Variants in BNC2 observed in about 807,000 individuals in gnomAD.
BNC2 encodes the protein zinc finger protein basonuclin-2.
In BNC2, 20 loss-of-function variants were observed where a neutral mutation model predicts 76.3. That is an observed-to-expected ratio of 0.26 (90% confidence interval 0.18 to 0.38). BNC2 has a LOEUF of 0.38. Among genes scored for constraint, BNC2 ranks in the 10% least tolerant of loss-of-function variants. The pLI is 1.00. For synonymous variants in BNC2, 582 were observed against 514.8 expected (o/e 1.13, Z -1.77); for missense variants, 1,382 against 1,399.8 (o/e 0.99, Z 0.20).
At chr9:16,684,223 C>T (rs1367787365) in intron 3 of BNC2, among the ~76,000 whole-genome samples, 2 of 152,162 alleles carry the variant, frequency 1.3e-5, no homozygotes, top group Non-Finnish European at 2.9e-5. Flanking sequence ...AAGAACATCA[C>T]TCGTCCTACC....
chr9:16,829,759 G>A lies in BNC2; in HGVS notation c.3+40887C>T, dbSNP rs1000469102. On this transcript the variant is annotated intron_variant, in intron 1 of 6. Coordinates refer to ENST00000380672, the MANE Select transcript of BNC2 (RefSeq NM_017637.6). ...AAATTCAACTACAAATGCTACTTGGGTTCTACATATAAACAGTGGCAGGGA... is the reference window on the plus strand; with the variant it reads ...AAATTCAACTACAAATGCTACTTGGATTCTACATATAAACAGTGGCAGGGA... 5.9e-5 allele frequency among the ~76,000 whole-genome samples: 9 copies of A among 152,178 alleles called. No homozygotes were observed. In the East Asian group the frequency reaches 1.5e-3, roughly 26 times the overall value.
At position 16,436,068 on chromosome 9, in the gene BNC2, T is replaced by C. The variant is rs1400145004; in HGVS notation, c.2126A>G (p.Asp709Gly). Residue 709 changes from aspartate to glycine, a missense_variant, in exon 6 of 7, where the codon GAC becomes GGC. Coordinates refer to ENST00000380672, the MANE Select transcript of BNC2 (RefSeq NM_017637.6). ...CISRTEIRRA[D>G]SMTSEDQEPE... ...TTCTTGGTCTTCAGAAGTCATGCTG[T>C]CGGCCCTCCTTATTTCAGTCCTTGA... The C allele has an allele frequency of 1.9e-6, 3 of 1,614,072 alleles. No homozygotes were observed. The highest frequency in any genetic ancestry group is 1.7e-6 in the Non-Finnish European group (2 of 1,180,044).
intron 4 of BNC2, among the ~76,000 whole-genome samples, chr9:16,556,368 G>C (rs907713868): frequency 1.3e-5 from 2 of 152,050 alleles, no homozygotes; most frequent in African/African-American, 4.8e-5. Context: ...ACGATGAAAA[G>C]GCGGACTAGA....
rs1821040206 is a variant in BNC2, at chr9:16,437,351, A to G, written c.843T>C (p.Asp281=). ...VAVPSSKTDS[D]IRTFIESNNR... ...TATTGCTCTCAATGAAAGTCCTTAT[A>G]TCTGAGTCTGTCTTTGAAGATGGTA... Residue 281 remains aspartate, a synonymous_variant, in exon 6 of 7, where the codon GAT becomes GAC. Transcript: ENST00000380672. 9.9e-6 allele frequency: 16 copies of G among 1,614,066 alleles called. No homozygotes were observed. The highest frequency in any genetic ancestry group is 1.4e-5 in the Non-Finnish European group (16 of 1,179,924).
intron 3 of BNC2, among the ~76,000 whole-genome samples, chr9:16,623,658 T>G (rs1820920858): frequency 6.6e-6 from 1 of 152,220 alleles, no homozygotes; most frequent in African/African-American, 2.4e-5. Flanking sequence ...TTTTTAAATA[T>G]TCCTAATGCA....
intron 3 of BNC2, among the ~76,000 whole-genome samples, chr9:16,681,394 T>C (rs912400268): frequency 2.0e-5 from 3 of 152,170 alleles, no homozygotes; most frequent in Admixed American, 6.5e-5. Flanking sequence ...TGTGTGTCCC[T>C]GGCAGATGTG....
At chr9:16,760,638 G>C (rs746619127) in intron 1 of BNC2, among the ~76,000 whole-genome samples, 1 of 152,144 alleles carries the variant, frequency 6.6e-6, no homozygotes, top group Non-Finnish European at 1.5e-5. Context: ...ACCTCCACTG[G>C]TTCTAAGGCA....
intron 5 of BNC2, among the ~76,000 whole-genome samples, chr9:16,522,540 C>G (rs1051382292): frequency 6.6e-6 from 1 of 152,148 alleles, no homozygotes; most frequent in African/African-American, 2.4e-5. Context: ...TCACACTTCT[C>G]TTTAGATTTT....
chr9:16,758,511 AGTAGAGACAGG>A (rs1825458912), intron 1 of BNC2, among the ~76,000 whole-genome samples: 1 of 152,064 alleles, frequency 6.6e-6, no homozygotes, highest in African/African-American at 2.4e-5. Flanking sequence ...TTGTATTTGT[AGTAGAGACAGG>A]GTTTCACCGT....
chr9:16,573,221 CAAAA>C (rs5896694), intron 4 of BNC2, among the ~76,000 whole-genome samples: 1 of 96,572 alleles, frequency 1.0e-5, no homozygotes, highest in Non-Finnish European at 2.1e-5. Flanking sequence ...GACCCTGTCT[CAAAA>C]AAAAAAAAAA....
At chr9:16,791,462 T>A (rs918435455) in intron 1 of BNC2, among the ~76,000 whole-genome samples, 2 of 152,110 alleles carry the variant, frequency 1.3e-5, no homozygotes, top group Admixed American at 1.3e-4. Flanking sequence ...TATATTAAAA[T>A]CATGCAAAGT....
intron 1 of BNC2, among the ~76,000 whole-genome samples, chr9:16,743,361 T>C (rs1824906162): frequency 6.6e-6 from 1 of 152,140 alleles, no homozygotes; most frequent in African/African-American, 2.4e-5. Flanking sequence ...AGACACCCTG[T>C]GCTCTGTCCA....
chr9:16,744,336 C>T (rs1378352052), intron 1 of BNC2, among the ~76,000 whole-genome samples: 1 of 152,110 alleles, frequency 6.6e-6, no homozygotes, highest in Non-Finnish European at 1.5e-5. Flanking sequence ...AAAGGAAAAA[C>T]GTGGGAGAGA....
chr9:16,779,011 A>G (rs6475079), intron 1 of BNC2, among the ~76,000 whole-genome samples: 138,673 of 151,604 alleles, frequency 0.91, 63,414 homozygotes, highest in East Asian at 0.99. Context: ...TAGATGTCAG[A>G]CTCCTGCCTG....
chr9:16,421,255 A>C (rs1415180284), intron 6 of BNC2: 6 of 1,299,646 alleles, frequency 4.6e-6, no homozygotes, highest in Non-Finnish European at 6.1e-6. Flanking sequence ...AGGAAGGCTG[A>C]GCTTACCTTG....
At chr9:16,549,137 A>C (rs1173884015) in intron 5 of BNC2, among the ~76,000 whole-genome samples, 1 of 152,218 alleles carries the variant, frequency 6.6e-6, no homozygotes, top group Admixed American at 6.5e-5. Context: ...CCAAAAATTC[A>C]AAATCAGATC....
chr9:16,682,605 G>C (rs773659729), intron 3 of BNC2, among the ~76,000 whole-genome samples: 14 of 152,038 alleles, frequency 9.2e-5, no homozygotes, highest in Non-Finnish European at 1.6e-4. Context: ...ATTTACACTT[G>C]CACCCCAGTA....
chr9:16,433,045 A>T (rs2130811398), intron 6 of BNC2, among the ~76,000 whole-genome samples: 1 of 152,348 alleles, frequency 6.6e-6, no homozygotes, highest in East Asian at 1.9e-4. Flanking sequence ...ATTATGTTTC[A>T]CAGTTCACTC....
chr9:16,493,880 T>A (rs1822329730), intron 5 of BNC2, among the ~76,000 whole-genome samples: 1 of 151,988 alleles, frequency 6.6e-6, no homozygotes, highest in Middle Eastern at 3.2e-3. Flanking sequence ...ATGGCGTGTT[T>A]AGAGAGAGCA....
Sources: gnomAD v4.1 joint callset for allele counts (sites outside exome capture counted in the v4.1 genomes callset) on GRCh38, gnomAD v4.1.1 for gene constraint, MANE v1.5 for transcripts, NCBI Gene and HGNC (gene_info 2026-07-23, HGNC 2026-07-21) for gene names.